FIGNL2: variants seen among roughly 807,000 people sequenced by gnomAD.
The protein encoded by FIGNL2 is fidgetin like 2.
For missense variants in FIGNL2, 1,060 were observed against 950.2 expected (o/e 1.12, Z -1.52); for synonymous variants, 565 against 484.0 (o/e 1.17, Z -2.20).
chr12:51,836,338 T>G (rs908665949), intron 1 of FIGNL2, among the ~76,000 whole-genome samples: 1 of 151,990 alleles, frequency 6.6e-6, no homozygotes, highest in East Asian at 1.9e-4. Flanking sequence ...CCCCATCAGC[T>G]GCTCAACACC....
chr12:51,830,290 A>G (rs576052832), intron 1 of FIGNL2, among the ~76,000 whole-genome samples: 5 of 148,842 alleles, frequency 3.4e-5, no homozygotes, highest in Non-Finnish European at 7.5e-5. Context: ...CTCCATCTCA[A>G]AAAAAAAAAG....
Position 51,820,554 on chromosome 12 carries a change from G to C in FIGNL2, c.1860C>G (p.Tyr620Ter). Residue 620 changes from tyrosine (Y) to a stop codon, truncating the protein, a stop_gained, in exon 2 of 2, where the codon TAC (tyrosine) becomes TAG (stop). Transcript: ENST00000618634. LOFTEE classifies it low-confidence loss of function (END_TRUNC). ...GLPGLQRPLS[Y>*]KDLEAALAKV... Reference sequence around the variant, plus strand: ...TGGCCAGCGCCGCCTCCAGGTCCTTGTAGGAGAGGGGGCGCTGCAGCCCCG... The same window carrying C: ...TGGCCAGCGCCGCCTCCAGGTCCTTCTAGGAGAGGGGGCGCTGCAGCCCCG... 6.5e-7 allele frequency: 1 copy of C among 1,539,192 alleles called. No homozygotes were observed. Among genetic ancestry groups the C allele is most frequent in the Non-Finnish European group, 8.7e-7 (1 of 1,149,600 alleles).
At chr12:51,846,698 C>T (rs1939757337) in intron 1 of FIGNL2, among the ~76,000 whole-genome samples, 1 of 151,738 alleles carries the variant, frequency 6.6e-6, no homozygotes, top group Admixed American at 6.6e-5. Context: ...CTGTGTCTCT[C>T]AGCCCCTTCT....
intron 1 of FIGNL2, among the ~76,000 whole-genome samples, chr12:51,834,839 G>A (rs1057325834): frequency 6.6e-6 from 1 of 152,226 alleles, no homozygotes; most frequent in African/African-American, 2.4e-5. Context: ...GCCTTCTAGT[G>A]TTTGCAAAGA....
At chr12:51,841,325 C>T (rs949923289) in intron 1 of FIGNL2, 3 of 152,262 alleles carry the variant, frequency 2.0e-5, no homozygotes, top group Admixed American at 6.5e-5. Flanking sequence ...CAAGCCAAGT[C>T]CGGCCCTGAG....
intron 1 of FIGNL2, 39 bp downstream of exon 1, chr12:51,848,501 C>T: frequency 1.0e-6 from 1 of 982,934 alleles, no homozygotes; most frequent in Middle Eastern, 5.2e-4. Flanking sequence ...GAACGGTCAC[C>T]TCCCCCCGCC....
At chr12:51,836,661 G>A (rs1281288643) in intron 1 of FIGNL2, among the ~76,000 whole-genome samples, 1 of 152,082 alleles carries the variant, frequency 6.6e-6, no homozygotes, top group Non-Finnish European at 1.5e-5. Flanking sequence ...CACTCTTGTG[G>A]TCACTCATCC....
intron 1 of FIGNL2, among the ~76,000 whole-genome samples, chr12:51,828,786 A>G (rs1442588464): frequency 6.6e-6 from 1 of 152,222 alleles, no homozygotes; most frequent in African/African-American, 2.4e-5. Flanking sequence ...CATGGCCAAG[A>G]CATGAGTTAA....
intron 1 of FIGNL2, among the ~76,000 whole-genome samples, chr12:51,830,540 G>A (rs1236586985): frequency 1.8e-4 from 25 of 139,788 alleles, no homozygotes; most frequent in African/African-American, 4.8e-4. Context: ...CGCATGGGCT[G>A]GAGTGCAGTG....
In FIGNL2 at chr12:51,821,462, C is replaced by G. The variant is rs941426729; in HGVS notation, c.952G>C (p.Glu318Gln). 3.2e-6 allele frequency: 5 copies of G among 1,541,304 alleles called. No homozygotes were observed. The highest frequency in any genetic ancestry group is 4.4e-6 in the Non-Finnish European group (5 of 1,147,650). ...GFRAKPPGAA[E>Q]EASGKYGGGV... ...CCACCGTACTTGCCCGACGCCTCCT[C>G]CGCGGCTCCTGGCGGCTTGGCCCGG... Residue 318 changes from glutamate (E) to glutamine (Q), a missense_variant, in exon 2 of 2, where the codon GAG (glutamate) becomes CAG (glutamine). Physicochemically the swap from Glu to Gln is conservative, Grantham distance 29 (BLOSUM62 2). Transcript: ENST00000618634.
chr12:51,821,607 G>T lies in FIGNL2; in HGVS notation c.807C>A (p.Ala269=). ...AESGLSLKRK[A]ADEGPEGRYR... ...AGCGGCCCTCGGGCCCCTCGTCGGC[G>T]GCCTTGCGCTTCAGCGACAGCCCGG... Residue 269 remains alanine, a synonymous_variant, in exon 2 of 2, where the codon GCC becomes GCA. Coordinates refer to ENST00000618634, the MANE Select transcript of FIGNL2 (RefSeq NM_001384995.1). 6.7e-7 allele frequency: 1 copy of T among 1,503,000 alleles called. No individual in the cohort carries two copies. Among genetic ancestry groups the T allele is most frequent in the African/African-American group, 1.4e-5 (1 of 69,092 alleles). 93.1% of individuals were successfully genotyped at this position (1,503,000 alleles called of 1,614,324 possible).
intron 1 of FIGNL2, chr12:51,823,515 T>G (rs1043218943): frequency 2.0e-5 from 3 of 152,214 alleles, no homozygotes; most frequent in African/African-American, 7.2e-5. Flanking sequence ...GCGGAGATGT[T>G]CCTTGGCTGT....
Position 51,822,367 on chromosome 12 carries a change from T to C in FIGNL2, c.47A>G (p.Glu16Gly), listed in dbSNP as rs978029969. Residue 16 changes from glutamate (E) to glycine (G), a missense_variant, in exon 2 of 2, where the codon GAG becomes GGG. Glu to Gly is a moderately conservative substitution (Grantham distance 98). Transcript: ENST00000618634. ...GGTGGAGGAGACGTCCAGGTGCTGC[T>C]CTGGCCACTGGTTGAGGGGCTGGGC... The part of the protein sequence containing the change: ...EHAQPLNQWP[E>G]QHLDVSSTTP... 3 of 1,613,674 alleles carry C rather than the reference T, an allele frequency of 1.9e-6. No individual in the cohort carries two copies. The highest frequency in any genetic ancestry group is 1.7e-5 in the Admixed American group (1 of 59,976).
In FIGNL2 at chr12:51,848,426, C is replaced by T. The variant is rs1391110160; in HGVS notation, c.-12+114G>A. 1.8e-5 allele frequency: 18 copies of T among 982,592 alleles called. No individual in the cohort carries two copies. The South Asian group carries it at 8.0e-4, about 44-fold the overall frequency. The allele number at this position is 982,592 out of a possible 1,614,324, so 60.9% of individuals were successfully genotyped here. On this transcript the variant is annotated intron_variant, in intron 1 of 1. Transcript: ENST00000618634. Reference sequence around the variant, plus strand: ...CCGCCGAGCTGAACCCCGCGACTAGCAGCCCCCGCCCTCTCGGCCCTCTCC... The same window carrying T: ...CCGCCGAGCTGAACCCCGCGACTAGTAGCCCCCGCCCTCTCGGCCCTCTCC...
intron 1 of FIGNL2, among the ~76,000 whole-genome samples, chr12:51,822,749 A>T (rs1302662768): frequency 1.3e-5 from 2 of 152,184 alleles, no homozygotes; most frequent in Non-Finnish European, 2.9e-5. Flanking sequence ...AGGACACGTG[A>T]TCCTTACTTT....
chr12:51,829,212 G>C (rs911831693), intron 1 of FIGNL2, among the ~76,000 whole-genome samples: 2 of 152,248 alleles, frequency 1.3e-5, no homozygotes, highest in African/African-American at 4.8e-5. Flanking sequence ...CTCCCTTATG[G>C]AAATCTCATT....
Position 51,820,835 on chromosome 12 carries a change from C to CA in FIGNL2, c.1578dup (p.Asp527Ter). The CA allele has an allele frequency of 6.8e-7, 1 of 1,463,118 alleles. No homozygotes were observed. Among genetic ancestry groups the CA allele is most frequent in the Non-Finnish European group, 9.0e-7 (1 of 1,114,896 alleles). 90.6% of individuals were successfully genotyped at this position (1,463,118 alleles called of 1,614,324 possible). On this transcript the variant is annotated frameshift_variant, in exon 2 of 2. Coordinates refer to ENST00000618634, the MANE Select transcript of FIGNL2 (RefSeq NM_001384995.1). LOFTEE classifies it low-confidence loss of function (END_TRUNC). ...GTGGTGCCCACAACCAGCACGCCGT[C>CA]AGCCCCCGCGCCGCAGCCCCCGTCC...
Position 51,820,027 on chromosome 12 carries a change from C to T in FIGNL2, c.*425G>A. 5.0e-6 allele frequency: 1 copy of T among 198,152 alleles called. No individual in the cohort carries two copies. Among genetic ancestry groups the T allele is most frequent in the Non-Finnish European group, 1.0e-5 (1 of 97,116 alleles). The allele number at this position is 198,152 out of a possible 1,614,324, so 12.3% of individuals were successfully genotyped here. On this transcript the variant is annotated 3_prime_UTR_variant, in exon 2 of 2. Transcript: ENST00000618634. ...GCCAGCATGGGGTGGGCAGGGGTGT[C>T]AGCGACAAAGCAAAAGGGAGAGAAA...
chr12:51,848,256 C>A (rs1001557318), intron 1 of FIGNL2: 8 of 984,748 alleles, frequency 8.1e-6, no homozygotes, highest in Non-Finnish European at 8.4e-6. Flanking sequence ...TTCGCTGCAG[C>A]CCCCGCACCA....
Sources: gnomAD v4.1 joint callset for allele counts (sites outside exome capture counted in the v4.1 genomes callset) on GRCh38, gnomAD v4.1.1 for gene constraint, MANE v1.5 for transcripts, NCBI Gene and HGNC (gene_info 2026-07-23, HGNC 2026-07-21) for gene names.